ACBD6: variants seen among roughly 807,000 people sequenced by gnomAD.
ACBD6 encodes acyl-CoA binding domain containing 6.
Under a neutral mutation model 37.2 loss-of-function variants are expected in ACBD6, and 28 were observed. The observed-to-expected ratio is 0.75, with a 90% CI of 0.56 to 1.03. ACBD6 has a LOEUF of 1.03. ACBD6 is among the 50% of genes least tolerant of loss of function. The pLI is 0.00. For missense variants in ACBD6, 340 were observed against 337.4 expected (o/e 1.01, Z -0.06); for synonymous variants, 113 against 126.8 (o/e 0.89, Z 0.73).
At chr1:180,488,066 T>C (rs899425016) in intron 3 of ACBD6, among the ~76,000 whole-genome samples, 2 of 152,140 alleles carry the variant, frequency 1.3e-5, no homozygotes, top group Admixed American at 6.5e-5. Context: ...CTCCAACTTA[T>C]CTCAAACAAT....
chr1:180,480,241 G>A (rs146830470), intron 3 of ACBD6, among the ~76,000 whole-genome samples: 44 of 150,868 alleles, frequency 2.9e-4, no homozygotes, highest in Non-Finnish European at 5.2e-4. Context: ...GAACTCAGAG[G>A]GACCACACTC....
At chr1:180,472,307 G>A (rs757126676) in intron 3 of ACBD6, among the ~76,000 whole-genome samples, 1 of 152,176 alleles carries the variant, frequency 6.6e-6, no homozygotes, top group Non-Finnish European at 1.5e-5. Flanking sequence ...TACTATGAAT[G>A]AATGGCACAC....
At chr1:180,446,771 A>G (rs987805156) in intron 3 of ACBD6, among the ~76,000 whole-genome samples, 1 of 152,164 alleles carries the variant, frequency 6.6e-6, no homozygotes, top group African/African-American at 2.4e-5. Context: ...AGCCAGGTGC[A>G]GTCTCATGCC....
intron 3 of ACBD6, among the ~76,000 whole-genome samples, chr1:180,467,877 G>A (rs1266776619): frequency 3.9e-5 from 6 of 152,076 alleles, no homozygotes; most frequent in African/African-American, 1.4e-4. Flanking sequence ...TTGTAAACAT[G>A]TACATAAATC....
At chr1:180,273,085 G>C (rs922052490) in intron 12 of ACBD6, 3 of 152,286 alleles carry the variant, frequency 2.0e-5, no homozygotes, top group Non-Finnish European at 2.9e-5. Flanking sequence ...GGAATGGGGG[G>C]CAGGCCTCAG....
chr1:180,356,192 A>T (rs923976021), intron 6 of ACBD6, among the ~76,000 whole-genome samples: 2 of 150,708 alleles, frequency 1.3e-5, no homozygotes, highest in African/African-American at 4.9e-5. Flanking sequence ...AATTTTTAAG[A>T]CAGGGTCTTA....
At chr1:180,457,077 G>C (rs1311514553) in intron 3 of ACBD6, among the ~76,000 whole-genome samples, 1 of 152,078 alleles carries the variant, frequency 6.6e-6, no homozygotes, top group Non-Finnish European at 1.5e-5. Context: ...ATAATAGGAA[G>C]ATGTAAACAC....
chr1:180,350,679 G>A (rs368101165), intron 6 of ACBD6, among the ~76,000 whole-genome samples: 2 of 152,092 alleles, frequency 1.3e-5, no homozygotes, highest in South Asian at 2.1e-4. Flanking sequence ...CCACACCTCA[G>A]CATCCTTCAA....
intron 10 of ACBD6, chr1:180,274,572 C>T: frequency 6.4e-7 from 1 of 1,571,290 alleles, no homozygotes; most frequent in Non-Finnish European, 8.6e-7. Context: ...GATCATCCTC[C>T]TTTTTAAACT....
intron 5 of ACBD6, among the ~76,000 whole-genome samples, chr1:180,399,556 C>G (rs182837116): frequency 6.6e-6 from 1 of 152,218 alleles, no homozygotes; most frequent in Non-Finnish European, 1.5e-5. Context: ...GCGTGAGCCA[C>G]CACGCCCAGC....
intron 6 of ACBD6, among the ~76,000 whole-genome samples, chr1:180,355,601 T>C (rs182027569): frequency 1.5e-3 from 236 of 152,328 alleles, no homozygotes; most frequent in African/African-American, 5.4e-3. Context: ...GTGAGGTTGA[T>C]TGAATTCTCC....
chr1:180,385,558 C>A (rs1165573282), intron 6 of ACBD6, among the ~76,000 whole-genome samples: 2 of 151,632 alleles, frequency 1.3e-5, no homozygotes, highest in African/African-American at 4.9e-5. Flanking sequence ...CTTTAAAGAG[C>A]TAATTAAGGT....
chr1:180,481,408 A>T (rs7539910), intron 3 of ACBD6, among the ~76,000 whole-genome samples: 125,844 of 152,134 alleles, frequency 0.83, 52,389 homozygotes, highest in Non-Finnish European at 0.88. Context: ...ACAGGCTGAA[A>T]CTTGGGGCAA....
At chr1:180,468,670 A>G (rs548321941) in intron 3 of ACBD6, among the ~76,000 whole-genome samples, 1 of 152,308 alleles carries the variant, frequency 6.6e-6, no homozygotes, top group South Asian at 2.1e-4. Flanking sequence ...TTATGAGTCT[A>G]CAAGGTTCTG....
chr1:180,359,791 T>A (rs925100889), intron 6 of ACBD6, among the ~76,000 whole-genome samples: 1 of 152,102 alleles, frequency 6.6e-6, no homozygotes, highest in Non-Finnish European at 1.5e-5. Flanking sequence ...ATAATGGTGT[T>A]TTTTTTGTCT....
chr1:180,288,324 C>G lies in ACBD6; in HGVS notation c.*39G>C. ...TTGTAGTTTTCTTTCATAATGGAAGCCTTATGCTATTACAGACTGCAGTTT... is the reference window on the plus strand; with the variant it reads ...TTGTAGTTTTCTTTCATAATGGAAGGCTTATGCTATTACAGACTGCAGTTT... On this transcript the variant is annotated 3_prime_UTR_variant, in exon 8 of 8. Transcript: ENST00000367595. 1 of 1,612,930 alleles carries G rather than the reference C, an allele frequency of 6.2e-7. No individual in the cohort carries two copies.
chr1:180,498,803 A>T (rs954990233), intron 1 of ACBD6, among the ~76,000 whole-genome samples: 5 of 151,938 alleles, frequency 3.3e-5, no homozygotes, highest in Non-Finnish European at 5.9e-5. Context: ...GGTTGTAGTG[A>T]GCCCAGATTA....
chr1:180,339,643 G>T (rs1200617734), intron 6 of ACBD6, among the ~76,000 whole-genome samples: 2 of 152,020 alleles, frequency 1.3e-5, no homozygotes, highest in Admixed American at 1.3e-4. Flanking sequence ...TGACAAACCT[G>T]CACGTTGTGC....
chr1:180,502,464 T>C lies in ACBD6; in HGVS notation c.-198A>G, dbSNP rs1009642218. 5 of 639,084 alleles carry C rather than the reference T, an allele frequency of 7.8e-6. No individual in the cohort carries two copies. The highest frequency in any genetic ancestry group is 1.8e-5 in the African/African-American group (1 of 55,518). 39.6% of individuals were successfully genotyped at this position (639,084 alleles called of 1,614,324 possible). Reference sequence around the variant, plus strand: ...TCCCTGGGCGTGCAGAGCAGGCTCCTCGACCCTCTGCCGCTCTGCCCAGTC... The same window carrying C: ...TCCCTGGGCGTGCAGAGCAGGCTCCCCGACCCTCTGCCGCTCTGCCCAGTC... On this transcript the variant is annotated 5_prime_UTR_variant, in exon 1 of 8. Coordinates refer to ENST00000367595, the MANE Select transcript of ACBD6 (RefSeq NM_032360.4).
Sources: allele counts gnomAD v4.1 joint callset (sites outside exome capture counted in the v4.1 genomes callset), GRCh38; gene constraint gnomAD v4.1.1; transcripts MANE v1.5; gene names NCBI Gene and HGNC (gene_info 2026-07-23, HGNC 2026-07-21).